RBFOX1: variants seen among roughly 807,000 people sequenced by gnomAD.
RBFOX1 encodes the protein RNA binding protein fox-1 homolog 1.
In RBFOX1, 8 loss-of-function variants were observed where a neutral mutation model predicts 57.7. The ratio of observed to expected loss-of-function variants is 0.14; its 90% confidence interval spans 0.08 to 0.25. RBFOX1 has a LOEUF of 0.25. RBFOX1 is among the 10% of genes least tolerant of loss of function. The pLI is 1.00. For missense variants in RBFOX1, 611 were observed against 548.5 expected, an observed-to-expected ratio of 1.11 and a Z score of -1.14; for synonymous variants, 326 against 222.4, an observed-to-expected ratio of 1.47 and a Z score of -4.15.
intron 1 of RBFOX1, among the ~76,000 whole-genome samples, chr16:6,154,084 C>T (rs1310350424): frequency 6.6e-6 from 1 of 152,208 alleles, no homozygotes; most frequent in South Asian, 2.1e-4. Flanking sequence ...CCTGGTGATT[C>T]ACACAGGAAG....
chr16:7,288,758 T>G (rs1319887438), intron 4 of RBFOX1, among the ~76,000 whole-genome samples: 1 of 152,114 alleles, frequency 6.6e-6, no homozygotes, highest in African/African-American at 2.4e-5. Context: ...GGAGAATCAC[T>G]TGAACCCAGG....
intron 3 of RBFOX1, among the ~76,000 whole-genome samples, chr16:6,999,212 A>ATTTT (rs1254312494): frequency 2.5e-5 from 3 of 117,702 alleles, no homozygotes; most frequent in Non-Finnish European, 3.8e-5. Context: ...TTTTATTTTT[A>ATTTT]TTTATTTTTT....
chr16:7,471,445 A>G (rs966955852), intron 4 of RBFOX1, among the ~76,000 whole-genome samples: 1 of 152,198 alleles, frequency 6.6e-6, no homozygotes, highest in Non-Finnish European at 1.5e-5. Flanking sequence ...TGATGTTACC[A>G]TGACTCATTT....
At chr16:5,767,946 C>CAAA (rs5815268) in intron 3 of RBFOX1, among the ~76,000 whole-genome samples, 2,488 of 151,388 alleles carry the variant, frequency 0.016, 61 homozygotes, top group African/African-American at 0.056. Flanking sequence ...TCTCTGCAGA[C>CAAA]AAAAAAAATG....
At chr16:5,366,449 A>G in intron 1 of RBFOX1, 2 of 451,190 alleles carry the variant, frequency 4.4e-6, no homozygotes, top group Non-Finnish European at 4.2e-6. Context: ...AAAGACTCAG[A>G]ACCATCATCA....
At chr16:6,413,033 T>A (rs552451538) in intron 2 of RBFOX1, among the ~76,000 whole-genome samples, 94 of 152,220 alleles carry the variant, frequency 6.2e-4, no homozygotes, top group Middle Eastern at 3.4e-3. Flanking sequence ...TTAAAAAAAA[T>A]TTTTGGCCAG....
chr16:6,644,817 A>G (rs1036211015), intron 2 of RBFOX1, among the ~76,000 whole-genome samples: 1 of 152,178 alleles, frequency 6.6e-6, no homozygotes, highest in African/African-American at 2.4e-5. Context: ...TAGAGCTTAG[A>G]CTAAGCGGAG....
chr16:7,450,514 C>T (rs1257067971), intron 4 of RBFOX1, among the ~76,000 whole-genome samples: 3 of 151,874 alleles, frequency 2.0e-5, no homozygotes, highest in Non-Finnish European at 2.9e-5. Flanking sequence ...AGATAACGGC[C>T]CCCGACTCCC....
chr16:7,577,143 C>A (rs1352899898), intron 5 of RBFOX1, among the ~76,000 whole-genome samples: 1 of 152,194 alleles, frequency 6.6e-6, no homozygotes, highest in Non-Finnish European at 1.5e-5. Context: ...TATTCGTGTA[C>A]TAATAATTCA....
intron 1 of RBFOX1, among the ~76,000 whole-genome samples, chr16:6,193,251 G>A (rs928584740): frequency 6.6e-6 from 1 of 150,866 alleles, no homozygotes; most frequent in Non-Finnish European, 1.5e-5. Flanking sequence ...CAGCTGATTA[G>A]ACTGAGGAGA....
At chr16:7,438,834 G>T (rs780641959) in intron 4 of RBFOX1, among the ~76,000 whole-genome samples, 1 of 152,088 alleles carries the variant, frequency 6.6e-6, no homozygotes, top group Non-Finnish European at 1.5e-5. Flanking sequence ...TTTCAACCAC[G>T]CCAAGCAGCT....
chr16:6,656,172 A>G (rs1297736917), intron 3 of RBFOX1, among the ~76,000 whole-genome samples: 3 of 152,152 alleles, frequency 2.0e-5, no homozygotes, highest in African/African-American at 7.2e-5. Flanking sequence ...GTCTTCTACC[A>G]ATGTTCTGCC....
chr16:7,008,522 A>AG (rs2093430759), intron 3 of RBFOX1, among the ~76,000 whole-genome samples: 1 of 152,142 alleles, frequency 6.6e-6, no homozygotes, highest in Non-Finnish European at 1.5e-5. Flanking sequence ...CCTGGGTGAC[A>AG]GGGCAAGACT....
At chr16:6,956,413 C>G (rs1283798682) in intron 3 of RBFOX1, among the ~76,000 whole-genome samples, 1 of 152,194 alleles carries the variant, frequency 6.6e-6, no homozygotes, top group Non-Finnish European at 1.5e-5. Context: ...CCGCTGTCTT[C>G]CAGTGAATAC....
intron 4 of RBFOX1, among the ~76,000 whole-genome samples, chr16:7,354,841 T>C (rs1002935102): frequency 2.0e-5 from 3 of 152,220 alleles, no homozygotes; most frequent in Non-Finnish European, 4.4e-5. Context: ...CAGTATGATA[T>C]AGGACATTCA....
intron 4 of RBFOX1, among the ~76,000 whole-genome samples, chr16:5,936,018 C>T (rs931037934): frequency 1.3e-5 from 2 of 149,132 alleles, no homozygotes; most frequent in African/African-American, 4.9e-5. Context: ...TCCATTCCTT[C>T]AACTGATCTG....
At chr16:6,343,675 G>A (rs1426383480) in intron 2 of RBFOX1, among the ~76,000 whole-genome samples, 1 of 152,090 alleles carries the variant, frequency 6.6e-6, no homozygotes, top group Non-Finnish European at 1.5e-5. Context: ...TTTTTGAATT[G>A]CTAGCTACTG....
intron 4 of RBFOX1, among the ~76,000 whole-genome samples, chr16:7,210,170 A>C (rs2090841264): frequency 6.6e-6 from 1 of 152,208 alleles, no homozygotes; most frequent in East Asian, 1.9e-4. Context: ...CAATGATTTT[A>C]TCAGTCAAGA....
intron 4 of RBFOX1, among the ~76,000 whole-genome samples, chr16:7,120,852 C>G: frequency 6.7e-6 from 1 of 150,256 alleles, no homozygotes; most frequent in Non-Finnish European, 1.5e-5. Flanking sequence ...CACACACACA[C>G]ACACACATAC....
Sources: allele counts gnomAD v4.1 joint callset (sites outside exome capture counted in the v4.1 genomes callset), GRCh38; gene constraint gnomAD v4.1.1; transcripts MANE v1.5; gene names NCBI Gene and HGNC (gene_info 2026-07-23, HGNC 2026-07-21).